The following ACSM1 variants were observed in gnomAD, a reference collection of about 807,000 sequenced individuals.
ACSM1 encodes the protein acyl-CoA synthetase medium chain family member 1, also known as acyl-coenzyme A synthetase ACSM1, mitochondrial.
ACSM1 carries 79 observed loss-of-function variants against 75.8 expected under a neutral mutation model. That is an observed-to-expected ratio of 1.04 (90% confidence interval 0.87 to 1.26). The LOEUF (loss-of-function observed/expected upper bound fraction) is 1.26. Among genes scored for constraint, ACSM1 ranks in the 50% most tolerant of loss-of-function variants. The probability of loss-of-function intolerance (pLI) is 0.00; values close to 1 mark genes in which losing one functional copy is unlikely to be tolerated. For missense variants in ACSM1, 676 were observed against 720.1 expected (o/e 0.94, Z 0.70); for synonymous variants, 279 against 265.8 (o/e 1.05, Z -0.48).
chr16:20,625,451 A>C lies in ACSM1; in HGVS notation c.1499T>G (p.Val500Gly), dbSNP rs1277376784. Residue 500 changes from valine (V) to glycine (G), a missense_variant, in exon 12 of 14, where the codon GTG becomes GGG. By Grantham distance (109) the Val-to-Gly change is moderately radical (BLOSUM62 -3). Transcript: ENST00000520010. ...EHPAVAESAV[V>G]GSPDPIRGEV... ...CCCTCGAATCGGGTCTGGGCTGCCCACCACGGCTGACTCCGCCACCGCTGG... is the reference window on the plus strand; with the variant it reads ...CCCTCGAATCGGGTCTGGGCTGCCCCCCACGGCTGACTCCGCCACCGCTGG... The C allele has an allele frequency of 1.2e-6, 2 of 1,614,138 alleles. No individual in the cohort carries two copies. Among genetic ancestry groups the C allele is most frequent in the Non-Finnish European group, 1.7e-6 (2 of 1,180,032 alleles).
chr16:20,677,618 G>A (rs234280), intron 4 of ACSM1, among the ~76,000 whole-genome samples: 2 of 151,934 alleles, frequency 1.3e-5, no homozygotes, highest in African/African-American at 4.8e-5. Flanking sequence ...CCCTTGGGGA[G>A]CCAGACATAG....
intron 1 of ACSM1, among the ~76,000 whole-genome samples, chr16:20,693,525 T>TAAA: frequency 1.3e-5 from 2 of 152,224 alleles, no homozygotes; most frequent in African/African-American, 4.8e-5. Flanking sequence ...TCCCTCTTGC[T>TAAA]CACTTTCAAC....
chr16:20,680,297 A>G (rs2152303895), intron 4 of ACSM1: 1 of 152,352 alleles, frequency 6.6e-6, no homozygotes, highest in South Asian at 2.1e-4. Flanking sequence ...TGTCAAAAAG[A>G]CTAAAAGGAC....
intron 7 of ACSM1, among the ~76,000 whole-genome samples, chr16:20,647,367 A>G (rs2018424108): frequency 6.6e-6 from 1 of 152,208 alleles, no homozygotes; most frequent in Non-Finnish European, 1.5e-5. Context: ...TAATGGACCA[A>G]TGCGTCCTGA....
intron 6 of ACSM1, among the ~76,000 whole-genome samples, chr16:20,663,760 C>T (rs942710791): frequency 1.3e-5 from 2 of 152,152 alleles, no homozygotes; most frequent in Admixed American, 6.6e-5. Context: ...TGTTTTAGAT[C>T]TTTATCAAGC....
chr16:20,696,776 T>C (rs576596029), intron 1 of ACSM1, among the ~76,000 whole-genome samples: 1 of 152,352 alleles, frequency 6.6e-6, no homozygotes, highest in African/African-American at 2.4e-5. Flanking sequence ...AACTAAGCTT[T>C]GACTTCACAG....
intron 7 of ACSM1, among the ~76,000 whole-genome samples, chr16:20,657,290 G>C (rs2019026719): frequency 6.6e-6 from 1 of 151,050 alleles, no homozygotes; most frequent in African/African-American, 2.5e-5. Flanking sequence ...TTTTGGGTTT[G>C]TTTTTTTGGT....
intron 1 of ACSM1, among the ~76,000 whole-genome samples, chr16:20,695,063 A>C (rs991705070): frequency 7.2e-5 from 11 of 152,234 alleles, no homozygotes; most frequent in Admixed American, 3.9e-4. Flanking sequence ...CCTCTTGATC[A>C]AATAAAGAAG....
intron 10 of ACSM1, among the ~76,000 whole-genome samples, chr16:20,633,772 A>T (rs1387997242): frequency 6.6e-6 from 1 of 152,180 alleles, no homozygotes; most frequent in East Asian, 1.9e-4. Context: ...GCTCACATCC[A>T]TAATCCCAGC....
intron 7 of ACSM1, among the ~76,000 whole-genome samples, chr16:20,651,908 T>C (rs570996125): frequency 6.6e-6 from 1 of 152,282 alleles, no homozygotes; most frequent in South Asian, 2.1e-4. Context: ...AATGGTTTCA[T>C]GTTTATTCCC....
rs1403402752 is a variant in ACSM1, at chr16:20,666,691, G to A, written c.912+3136C>T. Among the ~76,000 whole-genome samples the A allele has an allele frequency of 2.0e-5, 3 of 152,212 alleles. 1 individual carries two copies. Among genetic ancestry groups the A allele is most frequent in the South Asian group, 4.1e-4 (2 of 4,824 alleles). ...AAAAGAACAAAGCTAGAGGCATCAC[G>A]TTGCCCAACTTCAAACTATGTCATA... On this transcript the variant is annotated intron_variant, in intron 6 of 13. Transcript: ENST00000520010.
At chr16:20,666,146 A>G (rs1327172030) in intron 6 of ACSM1, among the ~76,000 whole-genome samples, 2 of 152,186 alleles carry the variant, frequency 1.3e-5, no homozygotes, top group African/African-American at 4.8e-5. Flanking sequence ...ATCAAGCAAG[A>G]GAAAGAAATA....
chr16:20,665,996 C>T (rs2019545850), intron 6 of ACSM1, among the ~76,000 whole-genome samples: 1 of 151,960 alleles, frequency 6.6e-6, no homozygotes, highest in Non-Finnish European at 1.5e-5. Flanking sequence ...TAAATAATAG[C>T]CATCTATGAC....
chr16:20,691,379 G>A lies in ACSM1; in HGVS notation c.-51-140C>T. ...TGGAAGGCACCCCTGATTGATTTTG[G>A]TGGGGATTTATCTTCCCAGCTGAGG... On this transcript the variant is annotated intron_variant, in intron 1 of 13. Transcript: ENST00000520010. 5.8e-6 allele frequency: 3 copies of A among 516,340 alleles called. No individual in the cohort carries two copies. The South Asian group carries it at 9.4e-5, about 16-fold the overall frequency. The allele number at this position is 516,340 out of a possible 1,614,324, so 32.0% of individuals were successfully genotyped here.
chr16:20,669,913 T>C lies in ACSM1; in HGVS notation c.826A>G (p.Ile276Val), dbSNP rs1340562863. The C allele has an allele frequency of 4.3e-6, 7 of 1,613,760 alleles. No homozygotes were observed. In the African/African-American group the frequency reaches 9.4e-5, roughly 22 times the overall value. The stretch of plus-strand genomic sequence containing the variant: ...GTCCATGGTTCTACCAGGGTCCAAA[T>C]GGTAGCCACAATCCATCCTGAGTCC... ...LSDSGWIVAT[I>V]WTLVEPWTAG... The change falls in exon 6 of 14, where the codon ATT becomes GTT. Residue 276 changes from isoleucine (I) to valine (V), a missense_variant. Transcript: ENST00000520010.
intron 7 of ACSM1, among the ~76,000 whole-genome samples, chr16:20,655,134 A>G (rs2152244873): frequency 6.6e-6 from 1 of 152,056 alleles, no homozygotes; most frequent in East Asian, 1.9e-4. Context: ...CATTCTCAGC[A>G]AACTATCACA....
intron 4 of ACSM1, chr16:20,674,753 C>G (rs1026476487): frequency 6.6e-6 from 1 of 152,340 alleles, no homozygotes; most frequent in African/African-American, 2.4e-5. Flanking sequence ...GCTCTCCCCG[C>G]ATCCTGCCCA....
intron 10 of ACSM1, among the ~76,000 whole-genome samples, chr16:20,635,598 TTCTTTCTTTCTTTCTTTC>T (rs1406364597): frequency 7.3e-5 from 4 of 54,456 alleles, no homozygotes; most frequent in African/African-American, 4.7e-4. Context: ...CTTTCTTTCT[TTCTTTCTTTCTTTCTTTC>T]TTTCTTTCTT....
chr16:20,630,649 C>T (rs1022270300), intron 10 of ACSM1, among the ~76,000 whole-genome samples: 1 of 152,078 alleles, frequency 6.6e-6, no homozygotes, highest in East Asian at 1.9e-4. Flanking sequence ...ATGGAGGACT[C>T]GAACACCACC....
Sources: gnomAD v4.1 joint callset for allele counts (sites outside exome capture counted in the v4.1 genomes callset) on GRCh38, gnomAD v4.1.1 for gene constraint, MANE v1.5 for transcripts, NCBI Gene and HGNC (gene_info 2026-07-23, HGNC 2026-07-21) for gene names.